Variants in PKNOX2 observed in about 807,000 individuals in gnomAD.
The protein encoded by PKNOX2 is PBX/knotted 1 homeobox 2.
Under a neutral mutation model 53.1 loss-of-function variants are expected in PKNOX2, and 14 were observed. The ratio of observed to expected loss-of-function variants is 0.26; its 90% CI spans 0.17 to 0.41. PKNOX2 has a LOEUF of 0.41. Ranked by LOEUF, PKNOX2 falls within the 10% of genes least tolerant of loss-of-function variation. The pLI is 1.00. For missense variants in PKNOX2, 496 were observed against 602.8 expected, an observed-to-expected ratio of 0.82 and a Z score of 1.85; for synonymous variants, 257 against 242.8, an observed-to-expected ratio of 1.06 and a Z score of -0.54.
rs948095443 is a variant in PKNOX2 at position 125,431,979 on chromosome 11, A to C, written c.*587A>C. On this transcript the variant is annotated 3_prime_UTR_variant, in exon 13 of 13. Coordinates refer to ENST00000298282, the MANE Select transcript of PKNOX2 (RefSeq NM_001382323.2). The stretch of plus-strand genomic sequence containing the variant: ...AATGGGATGGAATCCACCAGGCTCC[A>C]GCTCATCCCTCCAAGGCCCTGTCTC... The C allele has an allele frequency of 6.5e-6, 1 of 154,078 alleles. No individual in the cohort carries two copies. The allele number at this position is 154,078 out of a possible 1,614,324, so 9.5% of individuals were successfully genotyped here. A position where few individuals can be genotyped will look rare whatever the true frequency, so the allele number is the denominator to read the frequency against.
intron 2 of PKNOX2, among the ~76,000 whole-genome samples, chr11:125,329,917 C>T (rs1018811896): frequency 6.6e-6 from 1 of 152,126 alleles, no homozygotes; most frequent in African/African-American, 2.4e-5. Context: ...AGCAGGAAGT[C>T]GTTGTACTTC....
At chr11:125,232,261 G>A (rs1179470854) in intron 1 of PKNOX2, among the ~76,000 whole-genome samples, 1 of 152,224 alleles carries the variant, frequency 6.6e-6, no homozygotes, top group Non-Finnish European at 1.5e-5. Flanking sequence ...GGACAAGGAA[G>A]ATACATCTCT....
chr11:125,225,007 A>G (rs1021786502), intron 1 of PKNOX2, among the ~76,000 whole-genome samples: 2 of 152,080 alleles, frequency 1.3e-5, no homozygotes, highest in Admixed American at 6.5e-5. Flanking sequence ...TGGCCTTCGG[A>G]TGGCTGCCTG....
intron 2 of PKNOX2, among the ~76,000 whole-genome samples, chr11:125,255,704 G>T (rs550673647): frequency 1.4e-4 from 21 of 152,102 alleles, no homozygotes; most frequent in African/African-American, 4.8e-4. Flanking sequence ...GTAACAGGGT[G>T]GTTGTTGGGA....
chr11:125,300,381 A>C (rs1947963851), intron 2 of PKNOX2, among the ~76,000 whole-genome samples: 1 of 152,210 alleles, frequency 6.6e-6, no homozygotes, highest in Non-Finnish European at 1.5e-5. Flanking sequence ...AATCCTCTCT[A>C]GGGATATTAG....
chr11:125,245,614 A>T (rs1943501816), intron 2 of PKNOX2, among the ~76,000 whole-genome samples: 1 of 152,160 alleles, frequency 6.6e-6, no homozygotes, highest in Non-Finnish European at 1.5e-5. Flanking sequence ...GCCTGCCCCC[A>T]TTAGGATGGC....
intron 4 of PKNOX2, among the ~76,000 whole-genome samples, chr11:125,365,145 C>T (rs1277080438): frequency 2.0e-5 from 3 of 152,028 alleles, no homozygotes; most frequent in Admixed American, 6.5e-5. Flanking sequence ...CATGTTTCCC[C>T]TTCTCACCCA....
intron 2 of PKNOX2, among the ~76,000 whole-genome samples, chr11:125,278,135 C>G (rs1946305419): frequency 6.6e-6 from 1 of 150,538 alleles, no homozygotes; most frequent in East Asian, 2.0e-4. Context: ...GGGAGGATCA[C>G]TTGAGTCTAG....
At chr11:125,318,831 G>A (rs1949358912) in intron 2 of PKNOX2, among the ~76,000 whole-genome samples, 1 of 152,182 alleles carries the variant, frequency 6.6e-6, no homozygotes, top group Non-Finnish European at 1.5e-5. Context: ...TCTTGTGAAA[G>A]TGAGTGAGTT....
intron 2 of PKNOX2, among the ~76,000 whole-genome samples, chr11:125,265,079 A>G (rs900757539): frequency 3.3e-5 from 5 of 152,118 alleles, no homozygotes; most frequent in African/African-American, 7.2e-5. Flanking sequence ...ACGAGGTCAG[A>G]AGATTGAGAC....
chr11:125,178,698 GAA>G (rs1479580436), intron 1 of PKNOX2, among the ~76,000 whole-genome samples: 8 of 135,114 alleles, frequency 5.9e-5, no homozygotes, highest in East Asian at 2.0e-4. Context: ...GAGAGAGAGA[GAA>G]AGAAAGAAAG....
Position 125,394,216 on chromosome 11 carries a change from C to A in PKNOX2, c.400-3658C>A, listed in dbSNP as rs181277868. ...ACTGAGAGACATAGACCAAGATGTT[C>A]GTGGCCAAAGTCAAGTAGAACATTA... On this transcript the variant is annotated intron_variant, in intron 6 of 12. Transcript: ENST00000298282. Among the ~76,000 whole-genome samples the A allele has an allele frequency of 1.3e-4, 20 of 152,250 alleles. No homozygotes were observed. The East Asian group carries it at 1.7e-3, about 13-fold the overall frequency.
intron 2 of PKNOX2, among the ~76,000 whole-genome samples, chr11:125,259,880 T>TC (rs1944702861): frequency 2.0e-5 from 3 of 146,786 alleles, no homozygotes; most frequent in Admixed American, 2.0e-4. Context: ...TTTTAATTCT[T>TC]TTTTTTTTTT....
At chr11:125,204,356 A>C (rs1938815837) in intron 1 of PKNOX2, among the ~76,000 whole-genome samples, 1 of 152,166 alleles carries the variant, frequency 6.6e-6, no homozygotes. Flanking sequence ...CTGATTCAGC[A>C]GGTCTGTGTG....
intron 5 of PKNOX2, among the ~76,000 whole-genome samples, chr11:125,371,924 T>G (rs1175110307): frequency 1.3e-5 from 2 of 152,158 alleles, no homozygotes; most frequent in African/African-American, 2.4e-5. Flanking sequence ...TTTGTGGCAT[T>G]ACTCACAATT....
At chr11:125,387,250 G>A (rs11220041) in intron 6 of PKNOX2, among the ~76,000 whole-genome samples, 7,616 of 152,312 alleles carry the variant, frequency 0.05, 472 homozygotes, top group East Asian at 0.26. Context: ...AGCCATTTCT[G>A]TAGGAGCTGG....
At chr11:125,235,901 A>G (rs987415275) in intron 2 of PKNOX2, among the ~76,000 whole-genome samples, 5 of 152,174 alleles carry the variant, frequency 3.3e-5, no homozygotes, top group Non-Finnish European at 5.9e-5. Flanking sequence ...TGCCCACTGC[A>G]CACTCAGCCT....
At chr11:125,168,642 C>G (rs1345009855) in intron 1 of PKNOX2, among the ~76,000 whole-genome samples, 1 of 152,180 alleles carries the variant, frequency 6.6e-6, no homozygotes, top group African/African-American at 2.4e-5. Context: ...TCATTAGAGA[C>G]CAAGGCATGC....
chr11:125,248,646 A>T (rs893726463), intron 2 of PKNOX2, among the ~76,000 whole-genome samples: 3 of 148,984 alleles, frequency 2.0e-5, no homozygotes, highest in Non-Finnish European at 4.4e-5. Flanking sequence ...ACACATACAC[A>T]TATATGATAT....
Sources: allele counts gnomAD v4.1 joint callset (sites outside exome capture counted in the v4.1 genomes callset), GRCh38; gene constraint gnomAD v4.1.1; transcripts MANE v1.5; gene names NCBI Gene and HGNC (gene_info 2026-07-23, HGNC 2026-07-21).